The following PIGK variants were observed in gnomAD, a reference collection of about 807,000 sequenced individuals.
PIGK encodes the protein GPI-anchor transamidase.
A neutral mutation model predicts 50.6 loss-of-function variants in PIGK; 42 were observed. The observed-to-expected ratio is 0.83, with a 90% CI of 0.65 to 1.07. The LOEUF (loss-of-function observed/expected upper bound fraction) is 1.07. Among genes scored for constraint, PIGK ranks in the 50% least tolerant of loss-of-function variants. The pLI is 0.00. For synonymous variants in PIGK, 151 were observed against 156.0 expected (o/e 0.97, Z 0.24); for missense variants, 448 against 488.7 (o/e 0.92, Z 0.78).
At position 77,217,668 on chromosome 1, in the gene PIGK, GA is replaced by G. The variant is rs534185720; in HGVS notation, c.93+1641del. Among the ~76,000 whole-genome samples, 236 of 152,280 alleles carry G rather than the reference GA, an allele frequency of 1.5e-3. 3 individuals carry two copies. Among genetic ancestry groups the G allele is most frequent in the Non-Finnish European group, 5.0e-4 (34 of 68,024 alleles). The stretch of plus-strand genomic sequence containing the variant: ...CAACGACTCAAGGCAAAACATTTAG[GA>G]AACTGTTGCTCCTATCTCTAAGTGA... On this transcript the variant is annotated intron_variant, in intron 1 of 10. Transcript: ENST00000370812.
intron 3 of PIGK, among the ~76,000 whole-genome samples, chr1:77,203,730 A>C (rs1429769954): frequency 6.6e-6 from 1 of 152,212 alleles, no homozygotes; most frequent in Non-Finnish European, 1.5e-5. Flanking sequence ...TTTCATGGAC[A>C]TTTATTAGTT....
Position 77,140,961 on chromosome 1 carries a change from A to G in PIGK, c.986+13488T>C, listed in dbSNP as rs191366734. On this transcript the variant is annotated intron_variant, in intron 9 of 10. Coordinates refer to ENST00000370812, the MANE Select transcript of PIGK (RefSeq NM_005482.3). ...TCCTTATCACCTGTTTCAGTACCTT[A>G]AAGGAAAAGTACCAAAGATTGCTAT... 4.9e-3 allele frequency among the ~76,000 whole-genome samples: 740 copies of G among 152,274 alleles called. 4 individuals carry two copies. The highest frequency in any genetic ancestry group is 5.2e-3 in the Non-Finnish European group (354 of 67,998).
intron 10 of PIGK, among the ~76,000 whole-genome samples, chr1:77,118,593 T>C (rs968898338): frequency 2.6e-5 from 4 of 152,248 alleles, no homozygotes; most frequent in African/African-American, 9.6e-5. Flanking sequence ...ACTTTTCTAA[T>C]TGTTTTGCCA....
intron 9 of PIGK, among the ~76,000 whole-genome samples, chr1:77,133,900 AT>A (rs890306575): frequency 1.3e-5 from 2 of 149,054 alleles, no homozygotes; most frequent in African/African-American, 5.2e-5. Flanking sequence ...AGAATTTGGC[AT>A]GCCAGCCTCA....
At chr1:77,176,334 T>C (rs1248702819) in intron 3 of PIGK, among the ~76,000 whole-genome samples, 2 of 152,198 alleles carry the variant, frequency 1.3e-5, no homozygotes, top group African/African-American at 2.4e-5. Context: ...ATTTGACATG[T>C]TATTTGGGAA....
intron 9 of PIGK, among the ~76,000 whole-genome samples, chr1:77,142,631 G>T (rs911358686): frequency 2.0e-5 from 3 of 152,136 alleles, no homozygotes; most frequent in African/African-American, 7.2e-5. Context: ...AGAAGGCAAA[G>T]GGGAAGCAAG....
At chr1:77,107,797 C>G (rs1448774158) in intron 10 of PIGK, among the ~76,000 whole-genome samples, 6 of 152,072 alleles carry the variant, frequency 3.9e-5, no homozygotes, top group South Asian at 2.1e-4. Context: ...TATATATTTA[C>G]GATAGTTAGC....
At chr1:77,170,818 G>A (rs537059561) in intron 3 of PIGK, among the ~76,000 whole-genome samples, 23 of 152,234 alleles carry the variant, frequency 1.5e-4, no homozygotes, top group African/African-American at 4.8e-4. Context: ...TGTGGCATAC[G>A]TAATTAGTTT....
At chr1:77,187,988 C>T (rs1655790081) in intron 3 of PIGK, among the ~76,000 whole-genome samples, 1 of 152,208 alleles carries the variant, frequency 6.6e-6, no homozygotes, top group African/African-American at 2.4e-5. Flanking sequence ...CTTGTGATTT[C>T]CTATGTCTGT....
chr1:77,181,240 G>A (rs559404604), intron 3 of PIGK, among the ~76,000 whole-genome samples: 26 of 152,108 alleles, frequency 1.7e-4, no homozygotes, highest in African/African-American at 6.3e-4. Flanking sequence ...GGGCTGCTAG[G>A]CCATTCTTTA....
intron 3 of PIGK, among the ~76,000 whole-genome samples, chr1:77,175,378 T>C (rs769172306): frequency 2.0e-5 from 3 of 152,210 alleles, no homozygotes; most frequent in Non-Finnish European, 4.4e-5. Context: ...AAAACAGGGA[T>C]GCTTAGGACA....
At chr1:77,201,989 T>C (rs1440237963) in intron 3 of PIGK, among the ~76,000 whole-genome samples, 1 of 151,262 alleles carries the variant, frequency 6.6e-6, no homozygotes, top group African/African-American at 2.4e-5. Context: ...GCCCAGGAGG[T>C]TGAGGCTGCA....
At chr1:77,168,820 C>T (rs952409629) in intron 4 of PIGK, among the ~76,000 whole-genome samples, 21 of 151,874 alleles carry the variant, frequency 1.4e-4, no homozygotes, top group African/African-American at 4.6e-4. Flanking sequence ...CCATTTTTTA[C>T]ATTTACATTT....
intron 2 of PIGK, among the ~76,000 whole-genome samples, chr1:77,209,933 T>C (rs1409119613): frequency 6.6e-6 from 1 of 152,066 alleles, no homozygotes; most frequent in Non-Finnish European, 1.5e-5. Flanking sequence ...ATGTGGGACT[T>C]GAAGCCATTT....
At chr1:77,130,531 T>G (rs6603937) in intron 9 of PIGK, among the ~76,000 whole-genome samples, 35,350 of 151,860 alleles carry the variant, frequency 0.23, 5,087 homozygotes, top group Non-Finnish European at 0.32. Context: ...TATGCATGAG[T>G]CTGTGGGGGC....
intron 3 of PIGK, among the ~76,000 whole-genome samples, chr1:77,183,041 T>C (rs1475883622): frequency 4.6e-5 from 7 of 152,158 alleles, no homozygotes. Context: ...ACTGAGAGTC[T>C]TATCTCCTGT....
At chr1:77,194,374 A>G (rs975271249) in intron 3 of PIGK, among the ~76,000 whole-genome samples, 2 of 151,266 alleles carry the variant, frequency 1.3e-5, no homozygotes, top group African/African-American at 2.4e-5. Context: ...TAAGGGATAT[A>G]TAATATCAAC....
chr1:77,095,126 T>C lies in PIGK; in HGVS notation c.1072-2636A>G, dbSNP rs189182765. Among the ~76,000 whole-genome samples, 159 of 152,280 alleles carry C rather than the reference T, an allele frequency of 1.0e-3. 1 individual carries two copies. Among genetic ancestry groups the C allele is most frequent in the African/African-American group, 3.6e-3 (150 of 41,558 alleles). The stretch of plus-strand genomic sequence containing the variant: ...TTAATAAAAAATGGAAAATGCATTA[T>C]GAACTAAATGCACTTTGGACTCAGC... On this transcript the variant is annotated intron_variant, in intron 10 of 10. Transcript: ENST00000370812.
At chr1:77,131,282 T>A (rs1654366563) in intron 9 of PIGK, among the ~76,000 whole-genome samples, 1 of 151,816 alleles carries the variant, frequency 6.6e-6, no homozygotes, top group Non-Finnish European at 1.5e-5. Flanking sequence ...TATCTGGCAA[T>A]CTTACTAAAC....
Sources: allele counts gnomAD v4.1 joint callset (sites outside exome capture counted in the v4.1 genomes callset), GRCh38; gene constraint gnomAD v4.1.1; transcripts MANE v1.5; gene names NCBI Gene and HGNC (gene_info 2026-07-23, HGNC 2026-07-21).